NRG3: variants seen among roughly 807,000 people sequenced by gnomAD.
The protein encoded by NRG3 is pro-neuregulin-3, membrane-bound isoform.
NRG3 carries 31 observed loss-of-function variants against 66.9 expected under a neutral mutation model. The observed-to-expected ratio is 0.46, with a 90% CI of 0.35 to 0.63. The LOEUF (loss-of-function observed/expected upper bound fraction) is 0.63. Among genes scored for constraint, NRG3 ranks in the 20% least tolerant of loss-of-function variants. The pLI, the probability that NRG3 is intolerant of heterozygous loss-of-function variation, is 0.00. For missense variants in NRG3, 910 were observed against 878.9 expected, an observed-to-expected ratio of 1.04 and a Z score of -0.45; for synonymous variants, 393 against 359.4, an observed-to-expected ratio of 1.09 and a Z score of -1.06.
At chr10:82,780,402 C>T (rs1379980337) in intron 3 of NRG3, among the ~76,000 whole-genome samples, 1 of 151,238 alleles carries the variant, frequency 6.6e-6, no homozygotes, top group Non-Finnish European at 1.5e-5. Flanking sequence ...TTTGTATTTG[C>T]TTGTTGAAGA....
At chr10:82,766,222 G>A (rs1159302748) in intron 3 of NRG3, among the ~76,000 whole-genome samples, 2 of 152,156 alleles carry the variant, frequency 1.3e-5, no homozygotes, top group East Asian at 1.9e-4. Context: ...ACGTGTGAAT[G>A]TACGAAAGTA....
chr10:81,921,266 T>C (rs1014420106), intron 1 of NRG3, among the ~76,000 whole-genome samples: 2 of 152,106 alleles, frequency 1.3e-5, no homozygotes, highest in Non-Finnish European at 2.9e-5. Context: ...AATTGTATTA[T>C]TTATTTGTAT....
At chr10:82,418,206 A>G (rs528245822) in intron 2 of NRG3, among the ~76,000 whole-genome samples, 74 of 152,308 alleles carry the variant, frequency 4.9e-4, no homozygotes, top group Non-Finnish European at 8.7e-4. Context: ...CCTTCTCTCC[A>G]GGTGGGGACT....
intron 1 of NRG3, among the ~76,000 whole-genome samples, chr10:81,899,048 C>T (rs540465372): frequency 2.0e-5 from 3 of 152,180 alleles, no homozygotes; most frequent in African/African-American, 7.2e-5. Flanking sequence ...TCAGATATCC[C>T]ACAGTTTTAG....
chr10:82,006,331 C>T (rs892206413), intron 1 of NRG3, among the ~76,000 whole-genome samples: 15 of 151,892 alleles, frequency 9.9e-5, no homozygotes, highest in Admixed American at 3.3e-4. Context: ...TGAATTTATC[C>T]GTTCCTTTTG....
intron 2 of NRG3, among the ~76,000 whole-genome samples, chr10:82,706,221 T>G (rs1474491119): frequency 6.6e-6 from 1 of 152,176 alleles, no homozygotes; most frequent in African/African-American, 2.4e-5. Context: ...AAATGCTGCC[T>G]GTGGGTGGTT....
At chr10:82,557,852 A>G (rs761698130) in intron 2 of NRG3, among the ~76,000 whole-genome samples, 8 of 152,182 alleles carry the variant, frequency 5.3e-5, no homozygotes, top group Non-Finnish European at 1.0e-4. Context: ...AAGTTTCCCA[A>G]GGTCAAAAGG....
At chr10:82,959,854 G>A (rs150897696) in intron 6 of NRG3, among the ~76,000 whole-genome samples, 2 of 152,228 alleles carry the variant, frequency 1.3e-5, no homozygotes, top group African/African-American at 4.8e-5. Flanking sequence ...CATTACTGAG[G>A]TATATTGCAA....
In NRG3 at chr10:82,553,570, G is replaced by GA. The variant is rs1272474068; in HGVS notation, c.954-185002dup. Among the ~76,000 whole-genome samples the GA allele has an allele frequency of 2.0e-5, 3 of 152,106 alleles. No individual in the cohort carries two copies. The East Asian group carries it at 5.8e-4, about 29-fold the overall frequency. ...TTAGGTATTTTTGATTAGGTCTCAA[G>GA]AAAAATATATGGAGTCTTTAAGATG... On this transcript the variant is annotated intron_variant, in intron 2 of 8. Coordinates refer to ENST00000372141, the MANE Select transcript of NRG3 (RefSeq NM_001010848.4).
chr10:82,662,610 A>T (rs1325004847), intron 2 of NRG3, among the ~76,000 whole-genome samples: 5 of 152,162 alleles, frequency 3.3e-5, no homozygotes, highest in Non-Finnish European at 2.9e-5. Flanking sequence ...CTACAGAGCA[A>T]GGGAATGGAT....
At chr10:82,905,486 T>A (rs1006058454) in intron 4 of NRG3, among the ~76,000 whole-genome samples, 15 of 152,214 alleles carry the variant, frequency 9.9e-5, no homozygotes, top group African/African-American at 3.6e-4. Flanking sequence ...TGAATGGTTA[T>A]TCCATGTTTT....
intron 2 of NRG3, among the ~76,000 whole-genome samples, chr10:82,517,975 A>G (rs954695962): frequency 3.6e-4 from 55 of 152,280 alleles, no homozygotes; most frequent in Non-Finnish European, 1.8e-4. Context: ...ACTCTGTCCT[A>G]TGGGATAGAT....
At position 82,908,939 on chromosome 10, in the gene NRG3, C is replaced by T. The variant is rs1845041259; in HGVS notation, c.1055-42530C>T. Among the ~76,000 whole-genome samples the T allele has an allele frequency of 2.0e-5, 3 of 147,814 alleles. 1 individual carries two copies. Among genetic ancestry groups the T allele is most frequent in the Non-Finnish European group, 4.5e-5 (3 of 66,544 alleles). On this transcript the variant is annotated intron_variant, in intron 4 of 8. Transcript: ENST00000372141. ...CCTCAGCGACTGGAGCTGTGGCAGT[C>T]AGGAGGGAGAGGCAGCCAATGGAGG...
chr10:82,420,082 C>T (rs2088947394), intron 2 of NRG3, among the ~76,000 whole-genome samples: 1 of 152,108 alleles, frequency 6.6e-6, no homozygotes, highest in African/African-American at 2.4e-5. Flanking sequence ...TGCCGCTCTC[C>T]CTGAAGGACC....
intron 1 of NRG3, among the ~76,000 whole-genome samples, chr10:82,339,442 G>T (rs1302083739): frequency 2.6e-5 from 4 of 152,086 alleles, no homozygotes; most frequent in Admixed American, 6.6e-5. Context: ...CAGAAGAAAC[G>T]CCAGAGGCTT....
At chr10:82,547,009 C>T (rs561422016) in intron 2 of NRG3, among the ~76,000 whole-genome samples, 178 of 151,772 alleles carry the variant, frequency 1.2e-3, no homozygotes, top group African/African-American at 3.9e-3. Context: ...GAGTTGGCAC[C>T]GCAAAATATT....
intron 2 of NRG3, among the ~76,000 whole-genome samples, chr10:82,414,973 CTT>C (rs2088428618): frequency 6.6e-6 from 1 of 152,172 alleles, no homozygotes; most frequent in Non-Finnish European, 1.5e-5. Context: ...AGGATAATCT[CTT>C]TTATTTAAAT....
rs373543880 is a variant in NRG3, at chr10:82,952,243, A to G, written c.1157+672A>G. ...AGGTCAGGAGTTCAAGACCAGCCTG[A>G]CCAATATGGTGAAACCCCATCTCTA... is the stretch of plus-strand genomic sequence containing the variant. On this transcript the variant is annotated intron_variant, in intron 5 of 8. Transcript: ENST00000372141. 3.9e-5 allele frequency among the ~76,000 whole-genome samples: 6 copies of G among 151,924 alleles called. No individual in the cohort carries two copies. The East Asian group carries it at 1.2e-3, about 30-fold the overall frequency.
chr10:82,587,874 A>G (rs868475097), intron 2 of NRG3, among the ~76,000 whole-genome samples: 2 of 152,250 alleles, frequency 1.3e-5, no homozygotes, highest in Non-Finnish European at 2.9e-5. Flanking sequence ...AGTCGATGTG[A>G]TGATACTCAG....
Sources: allele counts gnomAD v4.1 joint callset (sites outside exome capture counted in the v4.1 genomes callset), GRCh38; gene constraint gnomAD v4.1.1; transcripts MANE v1.5; gene names NCBI Gene and HGNC (gene_info 2026-07-23, HGNC 2026-07-21).